Variants in COL8A1 observed in about 807,000 individuals in gnomAD.
The protein encoded by COL8A1 is collagen alpha-1(VIII) chain.
Under a neutral mutation model 42.7 loss-of-function variants are expected in COL8A1, and 21 were observed. The ratio of observed to expected loss-of-function variants is 0.49; its 90% confidence interval spans 0.35 to 0.71. The LOEUF is 0.71. Ranked by LOEUF, COL8A1 falls within the 30% of genes least tolerant of loss-of-function variation. The pLI is 0.01. For missense variants in COL8A1, 788 were observed against 962.4 expected, an observed-to-expected ratio of 0.82 and a Z score of 2.40; for synonymous variants, 367 against 369.1, an observed-to-expected ratio of 0.99 and a Z score of 0.06.
chr3:99,763,655 C>T (rs1319134940), intron 2 of COL8A1, among the ~76,000 whole-genome samples: 2 of 152,062 alleles, frequency 1.3e-5, no homozygotes, highest in Non-Finnish European at 2.9e-5. Context: ...TCCCTAAAGT[C>T]ATGTAGGTAA....
chr3:99,761,937 C>T (rs566409217), intron 2 of COL8A1, among the ~76,000 whole-genome samples: 43 of 152,254 alleles, frequency 2.8e-4, no homozygotes, highest in Admixed American at 9.2e-4. Flanking sequence ...AGAATTCCAG[C>T]TATTCCAGCA....
chr3:99,692,172 G>A (rs774280078), intron 1 of COL8A1, among the ~76,000 whole-genome samples: 7 of 152,030 alleles, frequency 4.6e-5, no homozygotes, highest in Non-Finnish European at 7.4e-5. Context: ...ACCACCAAGT[G>A]TAATTCAATT....
intron 1 of COL8A1, among the ~76,000 whole-genome samples, chr3:99,695,635 G>A (rs9858145): frequency 0.13 from 20,159 of 150,666 alleles, 1,516 homozygotes; most frequent in African/African-American, 0.19. Flanking sequence ...TGCTTTTCCG[G>A]TCCTCTCTCC....
At chr3:99,765,792 G>A (rs982798094) in intron 2 of COL8A1, among the ~76,000 whole-genome samples, 1 of 152,136 alleles carries the variant, frequency 6.6e-6, no homozygotes, top group Non-Finnish European at 1.5e-5. Flanking sequence ...GTTACTAGAT[G>A]TTTTTAATAC....
chr3:99,750,044 T>C (rs1346531877), intron 2 of COL8A1, among the ~76,000 whole-genome samples: 1 of 138,724 alleles, frequency 7.2e-6, no homozygotes, highest in Non-Finnish European at 1.5e-5. Flanking sequence ...TTTTCTTTTT[T>C]TCTTCTTTTT....
chr3:99,677,976 T>A (rs1217982898), intron 1 of COL8A1: 1 of 152,190 alleles, frequency 6.6e-6, no homozygotes, highest in African/African-American at 2.4e-5. Context: ...CTTACTAGCA[T>A]AATTCACATT....
At chr3:99,736,783 T>A (rs1262763378) in intron 1 of COL8A1, among the ~76,000 whole-genome samples, 1 of 151,044 alleles carries the variant, frequency 6.6e-6, no homozygotes, top group African/African-American at 2.4e-5. Flanking sequence ...TTCCTGGGTA[T>A]CCTTGTTGAC....
chr3:99,762,283 A>T (rs1048243960), intron 2 of COL8A1, among the ~76,000 whole-genome samples: 1 of 152,174 alleles, frequency 6.6e-6, no homozygotes, highest in Non-Finnish European at 1.5e-5. Flanking sequence ...TTTAATGTGT[A>T]TCTATGTTAA....
chr3:99,771,894 T>A (rs1479249563), intron 2 of COL8A1, among the ~76,000 whole-genome samples: 1 of 152,178 alleles, frequency 6.6e-6, no homozygotes, highest in Non-Finnish European at 1.5e-5. Context: ...GGCTTCCCCA[T>A]CACAAATTCC....
At chr3:99,688,171 G>A (rs1467575865) in intron 1 of COL8A1, among the ~76,000 whole-genome samples, 3 of 152,172 alleles carry the variant, frequency 2.0e-5, no homozygotes, top group Admixed American at 6.5e-5. Flanking sequence ...TATGCCAAAT[G>A]ATAATGTATT....
At chr3:99,754,979 G>T (rs1362538002) in intron 2 of COL8A1, among the ~76,000 whole-genome samples, 2 of 152,104 alleles carry the variant, frequency 1.3e-5, no homozygotes, top group African/African-American at 4.8e-5. Flanking sequence ...GGAATAATGG[G>T]TAACAATTAA....
intron 2 of COL8A1, among the ~76,000 whole-genome samples, chr3:99,770,006 A>G (rs887848139): frequency 3.9e-5 from 6 of 152,226 alleles, no homozygotes; most frequent in African/African-American, 1.4e-4. Flanking sequence ...TTTATTTAAT[A>G]TAAGTTATAT....
chr3:99,688,439 C>T (rs187375120), intron 1 of COL8A1, among the ~76,000 whole-genome samples: 38 of 152,254 alleles, frequency 2.5e-4, no homozygotes, highest in Admixed American at 2.4e-3. Flanking sequence ...CCTCTGCTTT[C>T]GGCAGCACAT....
At position 99,790,995 on chromosome 3, in the gene COL8A1, C is replaced by A. The variant is rs757431733; in HGVS notation, c.313C>A (p.Pro105Thr). Residue 105 changes from proline (P) to threonine (T), a missense_variant, in exon 3 of 4, where the codon CCC becomes ACC. Physicochemically the swap from Pro to Thr is conservative, Grantham distance 38 (BLOSUM62 -1). Coordinates refer to ENST00000652472, the MANE Select transcript of COL8A1 (RefSeq NM_020351.4). ...PAPRMGKEAV[P>T]KKGKEIPLAS... ...GCCAAGAATGGGCAAGGAAGCCGTA[C>A]CCAAGAAAGGCAAAGGTAACATCAT... The A allele has an allele frequency of 1.9e-6, 3 of 1,611,464 alleles. No homozygotes were observed. The highest frequency in any genetic ancestry group is 2.5e-6 in the Non-Finnish European group (3 of 1,177,848).
In COL8A1 at chr3:99,796,022, G is replaced by T; in HGVS notation, c.2121G>T (p.Leu707=). The change falls in exon 4 of 4, where the codon CTG becomes CTT. Residue 707 remains leucine (L), a synonymous_variant. Transcript: ENST00000652472. ...LDQASGSAVL[L]LRPGDRVFLQ... ...AGGCATCTGGGAGTGCAGTGCTGCT[G>T]CTCAGGCCCGGAGACCGGGTGTTCC... is the stretch of plus-strand genomic sequence containing the variant. The T allele has an allele frequency of 6.2e-7, 1 of 1,613,758 alleles. No homozygotes were observed. The highest frequency in any genetic ancestry group is 1.1e-5 in the South Asian group (1 of 91,070).
intron 1 of COL8A1, among the ~76,000 whole-genome samples, chr3:99,702,843 A>C (rs1016894816): frequency 2.0e-5 from 3 of 152,198 alleles, no homozygotes; most frequent in African/African-American, 7.2e-5. Flanking sequence ...AGCTGAAGAA[A>C]ACGTGTTGTT....
rs772133677 is a variant in COL8A1 at position 99,795,167 on chromosome 3, G to C, written c.1266G>C (p.Gln422His). 4 of 1,613,650 alleles carry C rather than the reference G, an allele frequency of 2.5e-6. No homozygotes were observed. The African/African-American group carries it at 4.0e-5, about 16-fold the overall frequency. Residue 422 changes from glutamine to histidine, a missense_variant, in exon 4 of 4, where the codon CAG becomes CAC. This residue lies in a region of COL8A1 where 421 missense variants were observed against 553.1 expected (regional missense o/e 0.76). Transcript: ENST00000652472. ...GAGAAGGTGGGATTGTAGGGCCACA[G>C]GGGCCACCAGGTCCCAAGGGTGAGC... is the stretch of plus-strand genomic sequence containing the variant. ...PKGEGGIVGP[Q>H]GPPGPKGEPG... is the part of the protein sequence containing the mutation.
At chr3:99,766,405 T>C (rs1941463974) in intron 2 of COL8A1, among the ~76,000 whole-genome samples, 1 of 152,170 alleles carries the variant, frequency 6.6e-6, no homozygotes, top group Non-Finnish European at 1.5e-5. Flanking sequence ...GAACTGAGAC[T>C]TAACAGCTCA....
intron 1 of COL8A1, among the ~76,000 whole-genome samples, chr3:99,725,781 A>T (rs1230262207): frequency 6.6e-6 from 1 of 151,946 alleles, no homozygotes; most frequent in Non-Finnish European, 1.5e-5. Context: ...TCCATGGTGC[A>T]TATGTGCAAC....
Sources: allele counts gnomAD v4.1 joint callset (sites outside exome capture counted in the v4.1 genomes callset), GRCh38; gene constraint gnomAD v4.1.1; regional missense constraint gnomAD v4.1.1; transcripts MANE v1.5; gene names NCBI Gene and HGNC (gene_info 2026-07-23, HGNC 2026-07-21).